Variants in SPATA3 observed in about 807,000 individuals in gnomAD.
SPATA3 encodes spermatogenesis-associated protein 3.
Under a neutral mutation model 5.7 loss-of-function variants are expected in SPATA3, and 6 were observed. The observed-to-expected ratio is 1.06, with a 90% CI of 0.58 to 2.09. The LOEUF is 2.09. SPATA3 is among the 30% of genes most tolerant of loss of function. The probability of loss-of-function intolerance (pLI) is 0.00; values close to 1 mark genes in which losing one functional copy is unlikely to be tolerated. For synonymous variants in SPATA3, 44 were observed against 48.4 expected, an observed-to-expected ratio of 0.91 and a Z score of 0.37; for missense variants, 155 against 130.4, an observed-to-expected ratio of 1.19 and a Z score of -0.92.
At chr2:231,010,843 A>C (rs1476226665), downstream of SPATA3, among the ~76,000 whole-genome samples, 1 of 151,894 alleles carries the variant, frequency 6.6e-6, no homozygotes, top group African/African-American at 2.4e-5. Flanking sequence ...CAAGGCAGGC[A>C]GATGACTTGA....
At chr2:230,998,081 A>T (rs1048488661) in intron 1 of SPATA3, among the ~76,000 whole-genome samples, 2 of 152,160 alleles carry the variant, frequency 1.3e-5, no homozygotes, top group Non-Finnish European at 2.9e-5. Flanking sequence ...GAGTCTCCAC[A>T]AGAGGAAGAA....
chr2:231,010,321 G>A (rs1411129518), downstream of SPATA3, among the ~76,000 whole-genome samples: 3 of 152,208 alleles, frequency 2.0e-5, no homozygotes, highest in African/African-American at 2.4e-5. Flanking sequence ...CAAAAGGGTC[G>A]GATCTAATGC....
At chr2:231,001,664 A>G (rs919133109) in intron 2 of SPATA3, among the ~76,000 whole-genome samples, 1 of 152,198 alleles carries the variant, frequency 6.6e-6, no homozygotes, top group African/African-American at 2.4e-5. Flanking sequence ...CCATGGGTTC[A>G]TATCGTTTTA....
At position 231,001,251 on chromosome 2, in the gene SPATA3, T is replaced by C. The variant is rs1006434456; in HGVS notation, c.962+714T>C. Among the ~76,000 whole-genome samples, 3 of 152,288 alleles carry C rather than the reference T, an allele frequency of 2.0e-5. No homozygotes were observed. In the East Asian group the frequency reaches 5.8e-4, roughly 29 times the overall value. On this transcript the variant is annotated intron_variant, in intron 2 of 2. Coordinates refer to ENST00000645363, the Ensembl canonical transcript of SPATA3. Reference sequence around the variant, plus strand: ...ATCCATGCAGGGAACAGACTGGAGATGTTCCCACGTTTGGGCGCTGCTAGG... The same window carrying C: ...ATCCATGCAGGGAACAGACTGGAGACGTTCCCACGTTTGGGCGCTGCTAGG...
chr2:231,019,930 C>G (rs932443192), intron 7 of SPATA3: 4 of 150,692 alleles, frequency 2.7e-5, no homozygotes, highest in African/African-American at 9.7e-5. Context: ...CCACCCCACT[C>G]TCTATCGTTT....
At chr2:231,003,463 CAAG>C (rs1441810429), downstream of SPATA3, among the ~76,000 whole-genome samples, 1 of 152,150 alleles carries the variant, frequency 6.6e-6, no homozygotes, top group Non-Finnish European at 1.5e-5. Context: ...GTGAGGGAGG[CAAG>C]AAGAGGCAAG....
At chr2:231,002,311 C>G (rs758211762) in intron 2 of SPATA3, among the ~76,000 whole-genome samples, 1 of 152,194 alleles carries the variant, frequency 6.6e-6, no homozygotes, top group Non-Finnish European at 1.5e-5. Flanking sequence ...GTTCCTTTCT[C>G]TCAATGGAGT....
chr2:231,017,042 A>G (rs1427774055), intron 6 of SPATA3, among the ~76,000 whole-genome samples: 1 of 152,190 alleles, frequency 6.6e-6, no homozygotes, highest in Non-Finnish European at 1.5e-5. Context: ...AAACAGCTGC[A>G]TGGCGTTGCA....
At chr2:231,012,041 G>A (rs952617492), downstream of SPATA3, among the ~76,000 whole-genome samples, 2 of 152,202 alleles carry the variant, frequency 1.3e-5, no homozygotes, top group East Asian at 1.9e-4. Context: ...ACTGAGCTGC[G>A]AGCTAGCGAA....
Position 230,996,465 on chromosome 2 carries a change from C to T in SPATA3, c.791-3901C>T, listed in dbSNP as rs1352981577. 1.4e-5 allele frequency: 21 copies of T among 1,552,340 alleles called. No individual in the cohort carries two copies. Among genetic ancestry groups the T allele is most frequent in the South Asian group, 4.8e-5 (4 of 84,060 alleles). Reference sequence around the variant, plus strand: ...CCAAGCCCTTCCAGCACCCGAAATCCGCCGCTCCTCTTGCTGCCTTTTATC... The same window carrying T: ...CCAAGCCCTTCCAGCACCCGAAATCTGCCGCTCCTCTTGCTGCCTTTTATC... On this transcript the variant is annotated intron_variant, in intron 1 of 2. Transcript: ENST00000645363.
chr2:230,997,591 A>G (rs773637168), intron 1 of SPATA3, among the ~76,000 whole-genome samples: 4 of 152,216 alleles, frequency 2.6e-5, no homozygotes, highest in East Asian at 1.9e-4. Flanking sequence ...TAAATTAGCA[A>G]TCTTACCCAT....
chr2:231,006,345 C>CAA (rs369604434), downstream of SPATA3, among the ~76,000 whole-genome samples: 51 of 149,048 alleles, frequency 3.4e-4, no homozygotes, highest in Non-Finnish European at 5.2e-4. Flanking sequence ...ACTAAAAATA[C>CAA]AAAAAAAAAT....
At chr2:231,000,270 C>A in intron 1 of SPATA3, 96 bp from the exon 2 acceptor site, 1 of 1,150,462 alleles carries the variant, frequency 8.7e-7, no homozygotes, top group East Asian at 3.0e-5. Context: ...CAGCTGCTGC[C>A]GTTGTGGGGG....
At chr2:231,018,470 C>A (rs1226755884) in intron 6 of SPATA3, among the ~76,000 whole-genome samples, 5 of 146,730 alleles carry the variant, frequency 3.4e-5, no homozygotes, top group African/African-American at 1.3e-4. Flanking sequence ...AAACTTCAGC[C>A]ATTTGGCCCT....
At chr2:231,000,286 C>T (rs1007258415) in intron 1 of SPATA3, 80 bp from the exon 2 acceptor site, 15 of 1,307,642 alleles carry the variant, frequency 1.1e-5, no homozygotes, top group Non-Finnish European at 1.5e-5. Flanking sequence ...GGGGGGCCTT[C>T]TCAGACTGTG....
downstream of SPATA3, among the ~76,000 whole-genome samples, chr2:231,005,400 C>A (rs1181513361): frequency 5.5e-5 from 5 of 90,632 alleles, no homozygotes; most frequent in African/African-American, 2.2e-4. Context: ...ATCATCACCA[C>A]CACCACCAGT....
At chr2:231,003,538 G>A (rs1248105290), downstream of SPATA3, among the ~76,000 whole-genome samples, 2 of 152,232 alleles carry the variant, frequency 1.3e-5, no homozygotes, top group Admixed American at 1.3e-4. Context: ...CCTGGAACAA[G>A]AATGATGACA....
downstream of SPATA3, among the ~76,000 whole-genome samples, chr2:231,004,625 G>A (rs557601643): frequency 6.6e-6 from 1 of 152,246 alleles, no homozygotes; most frequent in African/African-American, 2.4e-5. Context: ...CATGACAAAT[G>A]CACCCGAGTT....
At chr2:231,008,217 G>C (rs929963274), downstream of SPATA3, among the ~76,000 whole-genome samples, 2 of 152,170 alleles carry the variant, frequency 1.3e-5, no homozygotes, top group African/African-American at 4.8e-5. Flanking sequence ...CTTGGAGAAA[G>C]GCTGCGAGGA....
Sources: allele counts gnomAD v4.1 joint callset (sites outside exome capture counted in the v4.1 genomes callset), GRCh38; gene constraint gnomAD v4.1.1; transcripts MANE v1.5; gene names NCBI Gene and HGNC (gene_info 2026-07-23, HGNC 2026-07-21).